DPRX: variants seen among roughly 807,000 people sequenced by gnomAD.
DPRX encodes the protein divergent paired-related homeobox.
Under a neutral mutation model 8.4 loss-of-function variants are expected in DPRX, and 11 were observed. That is an observed-to-expected ratio of 1.31 (90% CI 0.82 to 2.17). DPRX has a LOEUF of 2.17. Among genes scored for constraint, DPRX ranks in the 30% most tolerant of loss-of-function variants. The pLI is 0.00. For missense variants in DPRX, 211 were observed against 236.7 expected (o/e 0.89, Z 0.71); for synonymous variants, 72 against 87.0 (o/e 0.83, Z 0.96).
At chr19:53,602,679 C>T in the DPRX span, among the ~76,000 whole-genome samples, 6 of 151,838 alleles carry the variant, frequency 4.0e-5, no homozygotes, top group East Asian at 1.9e-4. Flanking sequence ...GGATTACAGG[C>T]GTCTGCCACC....
chr19:53,601,214 T>C, the DPRX span: 2 of 454,428 alleles, frequency 4.4e-6, no homozygotes, highest in Admixed American at 2.4e-5. Flanking sequence ...GCAGGAAGAG[T>C]GTTGGGCTCA....
At chr19:53,622,335 T>C in the DPRX span, among the ~76,000 whole-genome samples, 1 of 152,054 alleles carries the variant, frequency 6.6e-6, no homozygotes, top group Non-Finnish European at 1.5e-5. Flanking sequence ...ACATATTTAG[T>C]TAAGAGAGAG....
At chr19:53,627,968 G>A (rs1227107215), upstream of DPRX, among the ~76,000 whole-genome samples, 1 of 151,820 alleles carries the variant, frequency 6.6e-6, no homozygotes, top group Non-Finnish European at 1.5e-5. Context: ...GGAGGCGGAG[G>A]TTGCAGTGAG....
chr19:53,604,991 C>T, the DPRX span, among the ~76,000 whole-genome samples: 2 of 152,080 alleles, frequency 1.3e-5, no homozygotes, highest in African/African-American at 2.4e-5. Context: ...CTGTACCCCA[C>T]GAATATGTAC....
the DPRX span, chr19:53,601,203 C>T: frequency 1.1e-4 from 50 of 454,892 alleles, no homozygotes; most frequent in East Asian, 8.4e-4. Flanking sequence ...AGGGAAAGGT[C>T]GCAGGAAGAG....
chr19:53,611,798 A>G, the DPRX span, among the ~76,000 whole-genome samples: 8 of 152,084 alleles, frequency 5.3e-5, no homozygotes, highest in Admixed American at 4.6e-4. Flanking sequence ...ATTTGAGGTG[A>G]ACTGGCTGGG....
At chr19:53,604,635 G>A in the DPRX span, 1 of 152,272 alleles carries the variant, frequency 6.6e-6, no homozygotes, top group African/African-American at 2.4e-5. Flanking sequence ...CTGAGGTCAG[G>A]AGTTCAAGAC....
chr19:53,612,840 G>A, the DPRX span, among the ~76,000 whole-genome samples: 4 of 152,134 alleles, frequency 2.6e-5, no homozygotes, highest in Non-Finnish European at 5.9e-5. Context: ...TCGGGCGGAC[G>A]GGGAACCCAG....
chr19:53,635,130 A>G (rs1398047384), intron 2 of DPRX, among the ~76,000 whole-genome samples: 4 of 152,056 alleles, frequency 2.6e-5, no homozygotes, highest in African/African-American at 4.8e-5. Context: ...ACAGGTGCAC[A>G]CTACGCCTCC....
chr19:53,628,632 C>T (rs895769888), upstream of DPRX, among the ~76,000 whole-genome samples: 91 of 151,892 alleles, frequency 6.0e-4, no homozygotes, highest in African/African-American at 2.0e-3. Context: ...TCTTCTTGCC[C>T]GGGCAGGAGG....
chr19:53,618,544 G>T, the DPRX span, among the ~76,000 whole-genome samples: 8 of 151,458 alleles, frequency 5.3e-5, no homozygotes, highest in South Asian at 1.7e-3. Context: ...GCCAAGGTGG[G>T]TGGATCGCTT....
upstream of DPRX, chr19:53,632,014 G>C: frequency 6.4e-7 from 1 of 1,566,494 alleles, no homozygotes; most frequent in Non-Finnish European, 8.8e-7. Flanking sequence ...TGGGAGTCGG[G>C]TGTGGCTGTG....
In DPRX at chr19:53,634,671, C is replaced by T. The variant is rs539343340; in HGVS notation, c.169C>T (p.Pro57Ser). Residue 57 changes from proline to serine, a missense_variant, in exon 2 of 3, where the codon CCA becomes TCA. Coordinates refer to ENST00000376650, the Ensembl canonical transcript of DPRX. The stretch of plus-strand genomic sequence containing the variant: ...AATGGCCTCGAAAATAGACATACAC[C>T]CAACAGTACTGCAGGTTGGAAAATG... 9.7e-5 allele frequency: 157 copies of T among 1,613,376 alleles called. No homozygotes were observed. The highest frequency in any genetic ancestry group is 1.3e-4 in the Non-Finnish European group (155 of 1,179,816).
At chr19:53,603,657 G>A in the DPRX span, 9,194 of 222,246 alleles carry the variant, frequency 0.041, 512 homozygotes, top group East Asian at 0.16. Flanking sequence ...TCATCTACCC[G>A]TATCCACTAC....
At chr19:53,602,725 G>C in the DPRX span, among the ~76,000 whole-genome samples, 1 of 151,744 alleles carries the variant, frequency 6.6e-6, no homozygotes, top group African/African-American at 2.4e-5. Flanking sequence ...AGTAGAGATG[G>C]GGTTTCACCA....
chr19:53,620,745 G>C, the DPRX span, among the ~76,000 whole-genome samples: 1 of 151,888 alleles, frequency 6.6e-6, no homozygotes, highest in South Asian at 2.1e-4. Flanking sequence ...CTGGAGTGCA[G>C]TGGCATGATC....
chr19:53,631,033 G>C (rs1357918673), upstream of DPRX, among the ~76,000 whole-genome samples: 1 of 151,978 alleles, frequency 6.6e-6, no homozygotes, highest in Non-Finnish European at 1.5e-5. Context: ...TTTTAGTAGA[G>C]ATGGGGTTTC....
At chr19:53,608,481 A>G in the DPRX span, 21 of 152,486 alleles carry the variant, frequency 1.4e-4, no homozygotes, top group African/African-American at 2.2e-4. Flanking sequence ...GAATAAATAA[A>G]CCCACAGAGA....
chr19:53,624,975 G>T, the DPRX span, among the ~76,000 whole-genome samples: 4 of 151,934 alleles, frequency 2.6e-5, no homozygotes, highest in Non-Finnish European at 4.4e-5. Flanking sequence ...CCCTCTCCGG[G>T]GGAAAGGATG....
Sources: gnomAD v4.1 joint callset for allele counts (sites outside exome capture counted in the v4.1 genomes callset) on GRCh38, gnomAD v4.1.1 for gene constraint, MANE v1.5 for transcripts, NCBI Gene and HGNC (gene_info 2026-07-23, HGNC 2026-07-21) for gene names.